CFAP61: variants seen among roughly 807,000 people sequenced by gnomAD.
The protein encoded by CFAP61 is cilia- and flagella-associated protein 61.
Under a neutral mutation model 135.6 loss-of-function variants are expected in CFAP61, and 107 were observed. The ratio of observed to expected loss-of-function variants is 0.79; its 90% CI spans 0.67 to 0.93. CFAP61 has a LOEUF of 0.93. CFAP61 is among the 40% of genes least tolerant of loss of function. The pLI is 0.00. For missense variants in CFAP61, 1,507 were observed against 1,556.2 expected (o/e 0.97, Z 0.53); for synonymous variants, 575 against 578.5 (o/e 0.99, Z 0.09).
At chr20:20,207,698 C>A (rs2056919442) in intron 17 of CFAP61, among the ~76,000 whole-genome samples, 1 of 152,210 alleles carries the variant, frequency 6.6e-6, no homozygotes, top group Admixed American at 6.5e-5. Context: ...GAAGTGACAT[C>A]TTTTCCCCTT....
At chr20:20,127,689 T>TTAATG (rs1369143816) in intron 8 of CFAP61, among the ~76,000 whole-genome samples, 1 of 151,532 alleles carries the variant, frequency 6.6e-6, no homozygotes, top group African/African-American at 2.4e-5. Context: ...CTTTGGTGGT[T>TTAATG]TAATGCTCTA....
chr20:20,232,380 T>C (rs6046744), intron 18 of CFAP61, among the ~76,000 whole-genome samples: 3,179 of 147,812 alleles, frequency 0.022, 112 homozygotes, highest in African/African-American at 0.073. Context: ...TATAGCAAAA[T>C]AGAAAAAAAA....
intron 11 of CFAP61, among the ~76,000 whole-genome samples, chr20:20,165,049 T>C (rs2053716023): frequency 6.6e-6 from 1 of 152,214 alleles, no homozygotes; most frequent in East Asian, 1.9e-4. Context: ...GTGGGAATTA[T>C]GGGAGCTACA....
chr20:20,293,079 T>G (rs1263474686), intron 24 of CFAP61, among the ~76,000 whole-genome samples: 1 of 152,230 alleles, frequency 6.6e-6, no homozygotes, highest in African/African-American at 2.4e-5. Flanking sequence ...ATTCACAGGC[T>G]AAGCACTTTG....
chr20:20,099,716 G>A (rs1437413346), intron 8 of CFAP61, among the ~76,000 whole-genome samples: 1 of 152,110 alleles, frequency 6.6e-6, no homozygotes, highest in African/African-American at 2.4e-5. Context: ...AATCTTCCTA[G>A]GGTAAAATCA....
chr20:20,117,088 G>T (rs2049200629), intron 8 of CFAP61, among the ~76,000 whole-genome samples: 1 of 152,150 alleles, frequency 6.6e-6, no homozygotes, highest in Admixed American at 6.6e-5. Flanking sequence ...AGGCACAGTG[G>T]CTCACACCTG....
At chr20:20,297,829 A>C (rs1224577150) in intron 24 of CFAP61, among the ~76,000 whole-genome samples, 1 of 152,272 alleles carries the variant, frequency 6.6e-6, no homozygotes. Flanking sequence ...CTGTGAAAGC[A>C]AAGAAATTTA....
At chr20:20,182,571 C>T (rs2055183607) in intron 13 of CFAP61, among the ~76,000 whole-genome samples, 1 of 152,180 alleles carries the variant, frequency 6.6e-6, no homozygotes, top group Non-Finnish European at 1.5e-5. Context: ...CACGGGCACA[C>T]AGCAGATGTT....
chr20:20,150,080 G>A (rs1330865307), intron 9 of CFAP61, among the ~76,000 whole-genome samples: 1 of 152,174 alleles, frequency 6.6e-6, no homozygotes, highest in Non-Finnish European at 1.5e-5. Context: ...CTCCATGGGA[G>A]TGGGGTGAAA....
chr20:20,249,111 T>C (rs532225890), intron 19 of CFAP61, among the ~76,000 whole-genome samples: 3 of 152,344 alleles, frequency 2.0e-5, no homozygotes, highest in Admixed American at 2.0e-4. Context: ...TATTAAAGCT[T>C]ATTCATTCTA....
chr20:20,221,845 A>G (rs1259169401), intron 17 of CFAP61: 1 of 152,182 alleles, frequency 6.6e-6, no homozygotes, highest in East Asian at 1.9e-4. Flanking sequence ...CTGGGCCTTT[A>G]TGGGAACACA....
intron 21 of CFAP61, among the ~76,000 whole-genome samples, chr20:20,270,646 A>T (rs771157994): frequency 6.6e-6 from 1 of 151,560 alleles, no homozygotes; most frequent in Non-Finnish European, 1.5e-5. Flanking sequence ...GATTAACATA[A>T]ATTGAAGAAC....
At position 20,309,714 on chromosome 20, in the gene CFAP61, A is replaced by T. The variant is rs546146864; in HGVS notation, c.3422+11328A>T. ...CTATTATAAGAAGATTGGCCAAAAAAAAAATTATGTTTGGGACAGGAGAAT... is the reference window on the plus strand; with the variant it reads ...CTATTATAAGAAGATTGGCCAAAAATAAAATTATGTTTGGGACAGGAGAAT... On this transcript the variant is annotated intron_variant, in intron 25 of 26. Coordinates refer to ENST00000245957, the MANE Select transcript of CFAP61 (RefSeq NM_015585.4). Among the ~76,000 whole-genome samples, 6 of 152,362 alleles carry T rather than the reference A, an allele frequency of 3.9e-5. No individual in the cohort carries two copies. The South Asian group carries it at 6.2e-4, about 16-fold the overall frequency.
At chr20:20,136,739 C>T (rs1404251963) in intron 8 of CFAP61, among the ~76,000 whole-genome samples, 1 of 152,202 alleles carries the variant, frequency 6.6e-6, no homozygotes, top group African/African-American at 2.4e-5. Flanking sequence ...GGATTGGTCC[C>T]TGGTGCCTTA....
intron 17 of CFAP61, among the ~76,000 whole-genome samples, chr20:20,214,565 C>G (rs1695985001): frequency 6.6e-6 from 1 of 152,170 alleles, no homozygotes; most frequent in Admixed American, 6.5e-5. Context: ...ATTCAGTTCT[C>G]CAAAGATGAA....
chr20:20,090,050 T>C (rs2146613730), intron 6 of CFAP61, among the ~76,000 whole-genome samples: 1 of 152,358 alleles, frequency 6.6e-6, no homozygotes, highest in East Asian at 1.9e-4. Flanking sequence ...TTGGAATTCT[T>C]TGGGCTGAGA....
chr20:20,118,012 A>G (rs1163190470), intron 8 of CFAP61, among the ~76,000 whole-genome samples: 1 of 152,136 alleles, frequency 6.6e-6, no homozygotes, highest in East Asian at 1.9e-4. Flanking sequence ...TTTTCTAAGT[A>G]TAAGATCACG....
intron 25 of CFAP61, among the ~76,000 whole-genome samples, chr20:20,302,872 G>A (rs187614712): frequency 6.6e-6 from 1 of 151,848 alleles, no homozygotes; most frequent in African/African-American, 2.4e-5. Context: ...TTTATTTTTC[G>A]GAAAGAGTAC....
chr20:20,142,083 C>T (rs1308778258), intron 8 of CFAP61, among the ~76,000 whole-genome samples: 1 of 152,054 alleles, frequency 6.6e-6, no homozygotes, highest in African/African-American at 2.4e-5. Flanking sequence ...TGTCTTCTCC[C>T]AGGTCTCCCT....
Sources: allele counts gnomAD v4.1 joint callset (sites outside exome capture counted in the v4.1 genomes callset), GRCh38; gene constraint gnomAD v4.1.1; transcripts MANE v1.5; gene names NCBI Gene and HGNC (gene_info 2026-07-23, HGNC 2026-07-21).